PTPRT: variants seen among roughly 807,000 people sequenced by gnomAD.
The protein encoded by PTPRT is receptor-type tyrosine-protein phosphatase T.
PTPRT carries 56 observed loss-of-function variants against 176.8 expected under a neutral mutation model. The observed-to-expected ratio is 0.32, with a 90% confidence interval of 0.26 to 0.40. The LOEUF (loss-of-function observed/expected upper bound fraction) is 0.40, where lower values mean the gene tolerates loss of function less well. Among genes scored for constraint, PTPRT ranks in the 10% least tolerant of loss-of-function variants. PTPRT has a pLI of 1.00. For synonymous variants in PTPRT, 783 were observed against 739.0 expected (o/e 1.06, Z -0.96); for missense variants, 1,540 against 1,908.2 (o/e 0.81, Z 3.60).
chr20:42,275,712 TTATGA>T (rs2057017716), intron 13 of PTPRT, among the ~76,000 whole-genome samples: 1 of 152,334 alleles, frequency 6.6e-6, no homozygotes, highest in African/African-American at 2.4e-5. Flanking sequence ...TTATGTGTAC[TTATGA>T]TATAGTTCTC....
chr20:43,179,292 A>G (rs2015192425), intron 1 of PTPRT, among the ~76,000 whole-genome samples: 1 of 152,230 alleles, frequency 6.6e-6, no homozygotes, highest in African/African-American at 2.4e-5. Flanking sequence ...TTACGTGTTT[A>G]CATCAGACTT....
chr20:42,067,890 G>A (rs1238453237), downstream of PTPRT, among the ~76,000 whole-genome samples: 6 of 152,194 alleles, frequency 3.9e-5, no homozygotes, highest in East Asian at 5.8e-4. Context: ...AACCTTAAAC[G>A]AAATTTTTTT....
At chr20:42,994,551 T>TA (rs1336756513) in intron 1 of PTPRT, among the ~76,000 whole-genome samples, 1 of 152,020 alleles carries the variant, frequency 6.6e-6, no homozygotes, top group African/African-American at 2.4e-5. Flanking sequence ...TCTCATACCT[T>TA]AGAGAGCCAG....
intron 6 of PTPRT, among the ~76,000 whole-genome samples, chr20:42,737,952 C>T (rs563007711): frequency 2.0e-4 from 31 of 152,194 alleles, no homozygotes; most frequent in African/African-American, 6.3e-4. Context: ...GGTGTTAGCC[C>T]GAGGGGTAGG....
chr20:42,984,439 T>C (rs1983457319), intron 1 of PTPRT, among the ~76,000 whole-genome samples: 1 of 152,224 alleles, frequency 6.6e-6, no homozygotes, highest in South Asian at 2.1e-4. Flanking sequence ...CCACTTTCTG[T>C]AGAAGGATTC....
chr20:42,732,100 G>C (rs1332276717), intron 6 of PTPRT, among the ~76,000 whole-genome samples: 1 of 152,182 alleles, frequency 6.6e-6, no homozygotes, highest in African/African-American at 2.4e-5. Flanking sequence ...CTGTAGAATA[G>C]TGATGCCCAA....
At chr20:42,932,627 G>T (rs993213529) in intron 1 of PTPRT, among the ~76,000 whole-genome samples, 31 of 152,282 alleles carry the variant, frequency 2.0e-4, no homozygotes, top group African/African-American at 7.5e-4. Context: ...AGTTTTCCAA[G>T]AACTTTCCCA....
rs372811134 is a variant in PTPRT, at chr20:42,082,383, T to C, written c.4137-366A>G. Among the ~76,000 whole-genome samples, 7 of 152,342 alleles carry C rather than the reference T, an allele frequency of 4.6e-5. No homozygotes were observed. The East Asian group carries it at 9.7e-4, about 21-fold the overall frequency. ...CCAAGGGCAGGATGGTACTGTGTCT[T>C]TGTACATGTGACACCTGCATCCTTG... On this transcript the variant is annotated intron_variant, in intron 29 of 30. Transcript: ENST00000373187.
intron 2 of PTPRT, among the ~76,000 whole-genome samples, chr20:42,837,839 AC>A (rs1412259511): frequency 6.6e-6 from 1 of 152,160 alleles, no homozygotes; most frequent in African/African-American, 2.4e-5. Flanking sequence ...ATTTCAGCAG[AC>A]ATTTAGGAGG....
intron 1 of PTPRT, among the ~76,000 whole-genome samples, chr20:43,131,118 C>A (rs2013634413): frequency 6.6e-6 from 1 of 152,226 alleles, no homozygotes; most frequent in African/African-American, 2.4e-5. Flanking sequence ...GCACCTCCAG[C>A]CTCTAACAAG....
At chr20:42,282,698 C>T (rs2057160839) in intron 12 of PTPRT, among the ~76,000 whole-genome samples, 173 bp from the exon 13 acceptor site, 1 of 151,760 alleles carries the variant, frequency 6.6e-6, no homozygotes, top group African/African-American at 2.4e-5. Context: ...CTTTTAATTC[C>T]ATTTTTTAAT....
intron 1 of PTPRT, among the ~76,000 whole-genome samples, chr20:42,889,554 G>A (rs991902951): frequency 2.0e-5 from 3 of 152,186 alleles, no homozygotes; most frequent in African/African-American, 7.2e-5. Context: ...AGGTCACTCT[G>A]GGGACCTTAA....
At chr20:42,772,625 T>C (rs2077079232) in intron 4 of PTPRT, among the ~76,000 whole-genome samples, 1 of 152,164 alleles carries the variant, frequency 6.6e-6, no homozygotes, top group Non-Finnish European at 1.5e-5. Flanking sequence ...AGAATTGGTT[T>C]CTTCATTGAG....
chr20:42,861,732 A>G (rs1413831464), intron 2 of PTPRT, among the ~76,000 whole-genome samples: 1 of 152,208 alleles, frequency 6.6e-6, no homozygotes, highest in Non-Finnish European at 1.5e-5. Flanking sequence ...ACATATTCAA[A>G]AAGGCTAGTC....
intron 25 of PTPRT, among the ~76,000 whole-genome samples, chr20:42,102,928 G>C (rs2038911763): frequency 6.6e-6 from 1 of 152,228 alleles, no homozygotes; most frequent in African/African-American, 2.4e-5. Context: ...GCAATGACCA[G>C]TGTTCTGTAC....
intron 7 of PTPRT, among the ~76,000 whole-genome samples, chr20:42,530,715 G>A (rs1389807851): frequency 2.6e-5 from 4 of 152,180 alleles, no homozygotes; most frequent in African/African-American, 2.4e-5. Context: ...CATCACCCCA[G>A]GCTGTCACTT....
chr20:42,178,605 C>T (rs181150094), intron 16 of PTPRT, among the ~76,000 whole-genome samples: 5 of 152,280 alleles, frequency 3.3e-5, no homozygotes, highest in African/African-American at 1.2e-4. Flanking sequence ...CAAACATATA[C>T]GATCTCAGTT....
intron 4 of PTPRT, among the ~76,000 whole-genome samples, chr20:42,775,677 A>G (rs1055377567): frequency 1.3e-5 from 2 of 152,194 alleles, no homozygotes; most frequent in African/African-American, 4.8e-5. Context: ...CTTGGAGGCA[A>G]TTATCTACAG....
At chr20:42,033,155 CAT>C in the PTPRT span, among the ~76,000 whole-genome samples, 2 of 152,110 alleles carry the variant, frequency 1.3e-5, no homozygotes, top group African/African-American at 2.4e-5. Context: ...CAAGATTTTC[CAT>C]ATGGAATCAC....
Sources: allele counts gnomAD v4.1 joint callset (sites outside exome capture counted in the v4.1 genomes callset), GRCh38; gene constraint gnomAD v4.1.1; transcripts MANE v1.5; gene names NCBI Gene and HGNC (gene_info 2026-07-23, HGNC 2026-07-21).